ACOXL: variants seen among roughly 807,000 people sequenced by gnomAD.
ACOXL encodes acyl-coenzyme A oxidase-like protein.
ACOXL carries 70 observed loss-of-function variants against 71.9 expected under a neutral mutation model. The ratio of observed to expected loss-of-function variants is 0.97; its 90% CI spans 0.80 to 1.19. The LOEUF (loss-of-function observed/expected upper bound fraction) is 1.19. Ranked by LOEUF, ACOXL falls within the 50% of genes most tolerant of loss-of-function variation. The pLI, the probability that ACOXL is intolerant of heterozygous loss-of-function variation, is 0.00. For missense variants in ACOXL, 703 were observed against 736.3 expected (o/e 0.95, Z 0.52); for synonymous variants, 253 against 281.6 (o/e 0.90, Z 1.02).
In ACOXL at chr2:111,118,056, T is replaced by A; in HGVS notation, c.*240T>A. 1.7e-6 allele frequency: 1 copy of A among 586,916 alleles called. No homozygotes were observed. The allele number at this position is 586,916 out of a possible 1,614,324, so 36.4% of individuals were successfully genotyped here. A position where few individuals can be genotyped will look rare whatever the true frequency, so the allele number is the denominator to read the frequency against. On this transcript the variant is annotated 3_prime_UTR_variant, in exon 18 of 18. Coordinates refer to ENST00000439055, the MANE Select transcript of ACOXL (RefSeq NM_001142807.4). ...TGTGCCCTTTCCCTGAAACCCAGCC[T>A]GGCCTGACTGCAACCTCTCCCAACT...
At chr2:110,957,259 A>G (rs527882294) in intron 12 of ACOXL, among the ~76,000 whole-genome samples, 11 of 152,142 alleles carry the variant, frequency 7.2e-5, no homozygotes, top group South Asian at 6.2e-4. Context: ...TCATATTGTA[A>G]TGAAAACCTA....
In ACOXL at chr2:110,901,337, C is replaced by T. The variant is rs545446144; in HGVS notation, c.789-7452C>T. Among the ~76,000 whole-genome samples the T allele has an allele frequency of 6.6e-5, 10 of 152,278 alleles. No homozygotes were observed. The South Asian group carries it at 1.5e-3, about 22-fold the overall frequency. On this transcript the variant is annotated intron_variant, in intron 10 of 17. Transcript: ENST00000439055. ...GTGCTCTCACTGCTCTGTATGTAGA[C>T]TATGTGACATTGACACCAGAGCCAC...
chr2:110,884,202 C>T (rs933834435), intron 10 of ACOXL, among the ~76,000 whole-genome samples: 2 of 152,060 alleles, frequency 1.3e-5, no homozygotes, highest in Non-Finnish European at 2.9e-5. Flanking sequence ...TATACTAGGT[C>T]GAACAAAGAG....
At chr2:110,933,466 C>G in intron 11 of ACOXL, 23 bp from the exon 12 acceptor site, 1 of 1,606,862 alleles carries the variant, frequency 6.2e-7, no homozygotes, top group African/African-American at 1.3e-5. Flanking sequence ...ACTTCCATCA[C>G]ACATGTCTGC....
At chr2:110,892,006 A>T (rs926765836) in intron 10 of ACOXL, among the ~76,000 whole-genome samples, 1 of 152,010 alleles carries the variant, frequency 6.6e-6, no homozygotes, top group Non-Finnish European at 1.5e-5. Context: ...TTACACAAAA[A>T]CTCAGATGAC....
At chr2:111,025,253 T>A (rs2064964211) in intron 14 of ACOXL, among the ~76,000 whole-genome samples, 1 of 152,220 alleles carries the variant, frequency 6.6e-6, no homozygotes, top group East Asian at 1.9e-4. Context: ...ACGCACTGCT[T>A]CCCGTGTTGG....
At chr2:110,823,234 CG>C (rs1231720072) in intron 9 of ACOXL, among the ~76,000 whole-genome samples, 5 of 147,544 alleles carry the variant, frequency 3.4e-5, no homozygotes, top group Non-Finnish European at 7.4e-5. Context: ...GCCTGGGTGA[CG>C]GTAAGACTCC....
chr2:110,833,439 A>AGG (rs2105664765), intron 9 of ACOXL, among the ~76,000 whole-genome samples: 1 of 152,252 alleles, frequency 6.6e-6, no homozygotes, highest in South Asian at 2.1e-4. Context: ...GCAGGAAAGT[A>AGG]GGTGTGGCTA....
intron 1 of ACOXL, among the ~76,000 whole-genome samples, chr2:110,748,438 G>C (rs1678510098): frequency 1.3e-5 from 2 of 152,206 alleles, no homozygotes; most frequent in South Asian, 4.1e-4. Context: ...TCTATCTCCT[G>C]AGTCTTTCTT....
chr2:111,064,359 T>A (rs995070577), intron 16 of ACOXL, among the ~76,000 whole-genome samples: 2 of 149,304 alleles, frequency 1.3e-5, no homozygotes, highest in Non-Finnish European at 3.0e-5. Flanking sequence ...TGGCGTGAAC[T>A]TGGGAGGCGG....
intron 14 of ACOXL, among the ~76,000 whole-genome samples, chr2:111,020,079 C>T (rs1456542128): frequency 1.3e-5 from 2 of 152,150 alleles, no homozygotes; most frequent in Non-Finnish European, 1.5e-5. Context: ...AGGCTGGTCA[C>T]GAACTCTTAA....
chr2:110,874,141 G>T (rs1695607003), intron 10 of ACOXL, among the ~76,000 whole-genome samples: 1 of 152,224 alleles, frequency 6.6e-6, no homozygotes, highest in African/African-American at 2.4e-5. Flanking sequence ...AGGGAGACCA[G>T]CCCCCACCCT....
chr2:110,933,761 A>C, intron 12 of ACOXL, 119 bp downstream of exon 12: 2 of 1,297,936 alleles, frequency 1.5e-6, no homozygotes, highest in Non-Finnish European at 2.1e-6. Flanking sequence ...ACTGCCCATG[A>C]CTCTGGGTTC....
intron 12 of ACOXL, among the ~76,000 whole-genome samples, chr2:110,942,112 G>A (rs1206694151): frequency 6.6e-6 from 1 of 152,212 alleles, no homozygotes; most frequent in Non-Finnish European, 1.5e-5. Flanking sequence ...TTATTTGAAA[G>A]TAGACTGTGA....
intron 16 of ACOXL, among the ~76,000 whole-genome samples, chr2:111,075,617 G>T: frequency 6.6e-6 from 1 of 150,670 alleles, no homozygotes; most frequent in Admixed American, 6.6e-5. Context: ...AGTTGCTTTG[G>T]GTTTTACTCT....
intron 15 of ACOXL, among the ~76,000 whole-genome samples, chr2:111,047,700 C>T (rs1295866247): frequency 6.6e-6 from 1 of 152,192 alleles, no homozygotes; most frequent in African/African-American, 2.4e-5. Context: ...TCTGCTGAGC[C>T]ACTTTTATAG....
intron 17 of ACOXL, among the ~76,000 whole-genome samples, chr2:111,114,500 T>C (rs1367443896): frequency 6.6e-6 from 1 of 152,128 alleles, no homozygotes; most frequent in Admixed American, 6.5e-5. Context: ...TGAAGGGACA[T>C]TTCAAGTTTG....
intron 15 of ACOXL, among the ~76,000 whole-genome samples, chr2:111,042,853 G>C (rs922149864): frequency 1.3e-5 from 2 of 152,158 alleles, no homozygotes; most frequent in Admixed American, 6.5e-5. Context: ...GGAGGATGGA[G>C]ACCAAAACAA....
chr2:110,826,633 A>G (rs550447091), intron 9 of ACOXL, among the ~76,000 whole-genome samples: 1 of 152,302 alleles, frequency 6.6e-6, no homozygotes, highest in East Asian at 1.9e-4. Context: ...GTTGGTGGCC[A>G]TTGATTCATA....
Sources: gnomAD v4.1 joint callset for allele counts (sites outside exome capture counted in the v4.1 genomes callset) on GRCh38, gnomAD v4.1.1 for gene constraint, MANE v1.5 for transcripts, NCBI Gene and HGNC (gene_info 2026-07-23, HGNC 2026-07-21) for gene names.